Variants in ZNF45 observed in about 807,000 individuals in gnomAD.
ZNF45 encodes the protein zinc finger protein 45.
Under a neutral mutation model 12.0 loss-of-function variants are expected in ZNF45, and 4 were observed. That is an observed-to-expected ratio of 0.33 (90% CI 0.16 to 0.76). The LOEUF is 0.76. ZNF45 is among the 30% of genes least tolerant of loss of function. The probability of loss-of-function intolerance (pLI) is 0.60; values close to 1 mark genes in which losing one functional copy is unlikely to be tolerated. For synonymous variants in ZNF45, 272 were observed against 279.6 expected, an observed-to-expected ratio of 0.97 and a Z score of 0.27; for missense variants, 700 against 813.0, an observed-to-expected ratio of 0.86 and a Z score of 1.69.
chr19:43,919,112 T>A (rs902952178), intron 8 of ZNF45, 150 bp from the exon 9 acceptor site: 2 of 642,408 alleles, frequency 3.1e-6, no homozygotes, highest in Non-Finnish European at 5.3e-6. Flanking sequence ...GTATATTTCA[T>A]GCAAAGACCC....
At chr19:43,922,408 T>G (rs1432639285) in intron 6 of ZNF45, 191 bp from the exon 7 acceptor site, 3 of 497,158 alleles carry the variant, frequency 6.0e-6, no homozygotes, top group Non-Finnish European at 1.1e-5. Context: ...TCCCTTTGGC[T>G]GTAAGACCCT....
intron 6 of ZNF45, among the ~76,000 whole-genome samples, chr19:43,923,759 C>T (rs80009640): frequency 0.022 from 3,342 of 152,160 alleles, 134 homozygotes; most frequent in African/African-American, 0.074. Context: ...ATTCCCCATT[C>T]CCCCTCCCAG....
rs1972329954 is a variant in ZNF45, at chr19:43,912,945, C to T, written c.*442G>A. ...ATCCTCCAAGCCTTGCAGAATTCTT[C>T]TGAGTACAATTTTAGAGAAACTTCT... On this transcript the variant is annotated 3_prime_UTR_variant, in exon 10 of 10. Transcript: ENST00000269973. 1 of 154,734 alleles carries T rather than the reference C, an allele frequency of 6.5e-6. No individual in the cohort carries two copies. The highest frequency in any genetic ancestry group is 6.4e-5 in the Admixed American group (1 of 15,708). The allele number at this position is 154,734 out of a possible 1,614,324, so 9.6% of individuals were successfully genotyped here.
At chr19:43,922,993 T>C (rs956600122) in intron 6 of ZNF45, among the ~76,000 whole-genome samples, 3 of 151,868 alleles carry the variant, frequency 2.0e-5, no homozygotes, top group Non-Finnish European at 4.4e-5. Flanking sequence ...GTCCAGCTAA[T>C]TTTTTTACTT....
At chr19:43,923,977 T>TA (rs202194694) in intron 6 of ZNF45, among the ~76,000 whole-genome samples, 130 of 100,304 alleles carry the variant, frequency 1.3e-3, no homozygotes, top group East Asian at 4.1e-3. Flanking sequence ...AAAAAAAATC[T>TA]AAAAAAAAAA....
chr19:43,921,058 C>T (rs1908529810), intron 7 of ZNF45, among the ~76,000 whole-genome samples: 1 of 152,220 alleles, frequency 6.6e-6, no homozygotes, highest in South Asian at 2.1e-4. Flanking sequence ...GCATCTTCCA[C>T]TAACCAGGAC....
intron 7 of ZNF45, among the ~76,000 whole-genome samples, chr19:43,920,583 C>CT (rs1973073730): frequency 7.4e-6 from 1 of 135,384 alleles, no homozygotes; most frequent in Non-Finnish European, 1.5e-5. Flanking sequence ...TAAAGAAGCA[C>CT]TAGCATATCG....
chr19:43,922,834 T>TG lies in ZNF45; in HGVS notation c.-32-618_-32-617insC, dbSNP rs542751834. Among the ~76,000 whole-genome samples the TG allele has an allele frequency of 7.6e-5, 11 of 144,030 alleles. No homozygotes were observed. In the South Asian group the frequency reaches 1.1e-3, roughly 15 times the overall value. The allele number at this position is 144,030 out of a possible 152,430, so 94.5% of individuals were successfully genotyped here. A position where few individuals can be genotyped will look rare whatever the true frequency, so the allele number is the denominator to read the frequency against. ...ATAAATTCTTTGTTTTTTTTTTTTT[T>TG]TTTTTTTTTGAGAGAGGGTCTTGCT... On this transcript the variant is annotated intron_variant, in intron 6 of 9. Coordinates refer to ENST00000269973, the MANE Select transcript of ZNF45 (RefSeq NM_003425.4).
intron 9 of ZNF45, among the ~76,000 whole-genome samples, chr19:43,915,595 C>T (rs547942139): frequency 5.7e-4 from 87 of 152,336 alleles, no homozygotes; most frequent in Admixed American, 6.5e-4. Flanking sequence ...AGCGGGAGGC[C>T]AGTGGGCATT....
Position 43,915,005 on chromosome 19 carries a change from C to T in ZNF45, c.431G>A (p.Gly144Glu), listed in dbSNP as rs776309202. ...KRDDLHYKDE[G>E]FSNQSSHLQV... The stretch of plus-strand genomic sequence containing the variant: ...AAGATGGGAACTCTGATTACTGAAT[C>T]CCTCATCTTTATAGTGCAAATCATC... The change falls in exon 10 of 10, where the codon GGA becomes GAA. Residue 144 changes from glycine to glutamate, a missense_variant. Gly to Glu is a moderately conservative substitution (Grantham distance 98, BLOSUM62 -2). Transcript: ENST00000269973. 2 of 1,607,332 alleles carry T rather than the reference C, an allele frequency of 1.2e-6. No homozygotes were observed. The highest frequency in any genetic ancestry group is 1.7e-6 in the Non-Finnish European group (2 of 1,175,728).
intron 3 of ZNF45, among the ~76,000 whole-genome samples, chr19:43,930,841 T>C (rs912600805): frequency 1.3e-5 from 2 of 152,178 alleles, no homozygotes; most frequent in African/African-American, 4.8e-5. Context: ...CAATATATTT[T>C]CTTTAACCCA....
chr19:43,920,746 G>A (rs563215583), intron 7 of ZNF45, among the ~76,000 whole-genome samples: 7 of 151,720 alleles, frequency 4.6e-5, no homozygotes, highest in South Asian at 4.2e-4. Context: ...GAATACAGGC[G>A]TGCGCCACTA....
At chr19:43,922,722 G>T (rs1335748623) in intron 6 of ZNF45, among the ~76,000 whole-genome samples, 1 of 151,340 alleles carries the variant, frequency 6.6e-6, no homozygotes, top group Non-Finnish European at 1.5e-5. Context: ...GAGGGAAAAA[G>T]CTCAAAGAAT....
intron 7 of ZNF45, 100 bp from the exon 8 acceptor site, chr19:43,919,799 C>CA: frequency 7.4e-7 from 1 of 1,343,180 alleles, no homozygotes; most frequent in African/African-American, 1.5e-5. Context: ...GGAAAGGTGT[C>CA]AGATTCTTAA....
In ZNF45 at chr19:43,915,056, C is replaced by A; in HGVS notation, c.380G>T (p.Arg127Ile). The change falls in exon 10 of 10, where the codon AGA becomes ATA. Residue 127 changes from arginine (R) to isoleucine (I), a missense_variant. Arg to Ile is a moderately conservative substitution (Grantham distance 97, BLOSUM62 -3). Transcript: ENST00000269973. ...TCGTTTTTCCAACTGGCAGCCTGTT[C>A]TTTGAATATTTACCACAGAATCTTG... ...KYQDSVVNIQ[R>I]TGCQLEKRDD... 6.2e-7 allele frequency: 1 copy of A among 1,611,738 alleles called. No homozygotes were observed. Among genetic ancestry groups the A allele is most frequent in the East Asian group, 2.2e-5 (1 of 44,864 alleles).
Position 43,915,244 on chromosome 19 carries a change from G to A in ZNF45, c.236-44C>T, listed in dbSNP as rs767123956. 90 of 1,448,774 alleles carry A rather than the reference G, an allele frequency of 6.2e-5. No homozygotes were observed. The Admixed American group carries it at 2.2e-3, about 35-fold the overall frequency. 89.7% of individuals were successfully genotyped at this position (1,448,774 alleles called of 1,614,324 possible). On this transcript the variant is annotated intron_variant, in intron 9 of 9. Transcript: ENST00000269973. ...TGTGGAGATGGGGCATGTGAATAAT[G>A]TTTTGTTCCAAGATGTCAAGTTTAT...
At position 43,922,040 on chromosome 19, in the gene ZNF45, A is replaced by G. The variant is rs1211977463; in HGVS notation, c.15+131T>C. On this transcript the variant is annotated intron_variant, in intron 7 of 9. Transcript: ENST00000269973. Reference sequence around the variant, plus strand: ...AACAACACAAAAGTAAAAAGCAGCAAGCATTTGGCACACAAGAGGTTCTCA... The same window carrying G: ...AACAACACAAAAGTAAAAAGCAGCAGGCATTTGGCACACAAGAGGTTCTCA... 5 of 775,176 alleles carry G rather than the reference A, an allele frequency of 6.5e-6. No individual in the cohort carries two copies. In the South Asian group the frequency reaches 1.8e-4, roughly 28 times the overall value. 48.0% of individuals were successfully genotyped at this position (775,176 alleles called of 1,614,324 possible). A position where few individuals can be genotyped will look rare whatever the true frequency, so the allele number is the denominator to read the frequency against.
chr19:43,922,388 ATAC>A, intron 6 of ZNF45, 171 bp from the exon 7 acceptor site: 1 of 534,420 alleles, frequency 1.9e-6, no homozygotes, highest in Non-Finnish European at 3.4e-6. Flanking sequence ...TGGATTCCAG[ATAC>A]TACTTGTCCC....
chr19:43,930,667 C>CT (rs1307158843), intron 3 of ZNF45, among the ~76,000 whole-genome samples: 1 of 152,134 alleles, frequency 6.6e-6, no homozygotes, highest in African/African-American at 2.4e-5. Context: ...TGCAGAATGA[C>CT]TGGTAATGCC....
Sources: allele counts gnomAD v4.1 joint callset (sites outside exome capture counted in the v4.1 genomes callset), GRCh38; gene constraint gnomAD v4.1.1; transcripts MANE v1.5; gene names NCBI Gene and HGNC (gene_info 2026-07-23, HGNC 2026-07-21).